The following LRFN3 variants were observed in gnomAD, a reference collection of about 807,000 sequenced individuals.
LRFN3 encodes leucine rich repeat and fibronectin type III domain containing 3.
LRFN3 carries 8 observed loss-of-function variants against 23.8 expected under a neutral mutation model. That is an observed-to-expected ratio of 0.34 (90% CI 0.20 to 0.61). LRFN3 has a LOEUF of 0.61. Ranked by LOEUF, LRFN3 falls within the 20% of genes least tolerant of loss-of-function variation. LRFN3 has a pLI of 0.80. For synonymous variants in LRFN3, 451 were observed against 450.6 expected (o/e 1.00, Z -0.01); for missense variants, 736 against 935.3 (o/e 0.79, Z 2.78).
rs1976152577 is a variant in LRFN3 at position 35,944,380 on chromosome 19, A to T, written c.1416-168A>T. Among the ~76,000 whole-genome samples, 1 of 152,114 alleles carries T rather than the reference A, an allele frequency of 6.6e-6. No individual in the cohort carries two copies. The highest frequency in any genetic ancestry group is 2.4e-5 in the African/African-American group (1 of 41,422). On this transcript the variant is annotated intron_variant, in intron 2 of 2. Coordinates refer to ENST00000246529, the MANE Select transcript of LRFN3 (RefSeq NM_024509.2). This position sits in a 1 kb window ranked among gnomAD's most constrained non-coding sequence, Gnocchi z 4.5. ...GGTATCAGTCAGGTGGCTGAATGGG[A>T]TGTCAGACCAAAGGGAATTGGGATG...
rs1322144561 is a variant in LRFN3 at position 35,944,094 on chromosome 19, GCCGGAGGATGGCTTGAGT to G, written c.1416-451_1416-434del. ...AGTTCCTGCTACTCAGGAGGCTGAG[GCCGGAGGATGGCTTGAGT>G]CCAGGAGTCAGAGGCTGCAGTGAGC... On this transcript the variant is annotated intron_variant, in intron 2 of 2. Coordinates refer to ENST00000246529, the MANE Select transcript of LRFN3 (RefSeq NM_024509.2). This position sits in a 1 kb window ranked among gnomAD's most constrained non-coding sequence, Gnocchi z 4.5. 6.6e-6 allele frequency among the ~76,000 whole-genome samples: 1 copy of G among 152,232 alleles called. No individual in the cohort carries two copies. Among genetic ancestry groups the G allele is most frequent in the African/African-American group, 2.4e-5 (1 of 41,454 alleles).
rs1422329228 is a variant in LRFN3, at chr19:35,940,721, G to A, written c.1296G>A (p.Gln432=). The change falls in exon 2 of 3, where the codon CAG becomes CAA. Residue 432 remains glutamine, a synonymous_variant. Coordinates refer to ENST00000246529, the MANE Select transcript of LRFN3 (RefSeq NM_024509.2). ...DTGPPTDRGV[Q]VTEHGATAAL... Reference sequence around the variant, plus strand: ...GGCCCCCTACCGACCGTGGCGTCCAGGTGACTGAGCACGGGGCCACAGCTG... The same window carrying A: ...GGCCCCCTACCGACCGTGGCGTCCAAGTGACTGAGCACGGGGCCACAGCTG... 6.2e-7 allele frequency: 1 copy of A among 1,613,554 alleles called. No individual in the cohort carries two copies. The highest frequency in any genetic ancestry group is 1.1e-5 in the South Asian group (1 of 91,064).
rs1327374043 is a variant in LRFN3 at position 35,946,495 on chromosome 19, C to T, written c.*1476C>T. Among the ~76,000 whole-genome samples, 2 of 151,594 alleles carry T rather than the reference C, an allele frequency of 1.3e-5. No homozygotes were observed. The highest frequency in any genetic ancestry group is 3.9e-4 in the East Asian group (2 of 5,170). On this transcript the variant is annotated 3_prime_UTR_variant, in exon 3 of 3. Coordinates refer to ENST00000246529, the MANE Select transcript of LRFN3 (RefSeq NM_024509.2). ...AGGGACTTTCCATATTTAAGGGTGA[C>T]GCAAAGAAAAACCTAACCAAGACTA...
In LRFN3 at chr19:35,940,845, A is replaced by G. The variant is rs368593379; in HGVS notation, c.1415+5A>G. 976 of 1,549,954 alleles carry G rather than the reference A, an allele frequency of 6.3e-4. 3 individuals carry two copies. The highest frequency in any genetic ancestry group is 8.2e-4 in the Non-Finnish European group (937 of 1,141,886). On this transcript the variant is annotated splice_donor_5th_base_variant and intron_variant, in intron 2 of 2. Coordinates refer to ENST00000246529, the MANE Select transcript of LRFN3 (RefSeq NM_024509.2). Reference sequence around the variant, plus strand: ...TGATGACATCCTCGTCTACAGGTGCAGGGTCCAGGCACTGGGGTAGCTTGG... The same window carrying G: ...TGATGACATCCTCGTCTACAGGTGCGGGGTCCAGGCACTGGGGTAGCTTGG...
chr19:35,943,456 TA>T (rs1350101102), intron 2 of LRFN3, among the ~76,000 whole-genome samples: 2 of 152,072 alleles, frequency 1.3e-5, no homozygotes, highest in East Asian at 1.9e-4. Context: ...GCAATAGGGC[TA>T]GGGGGACATT....
In LRFN3 at chr19:35,945,308, C is replaced by A. The variant is rs996366138; in HGVS notation, c.*289C>A. 6 of 335,116 alleles carry A rather than the reference C, an allele frequency of 1.8e-5. No homozygotes were observed. Among genetic ancestry groups the A allele is most frequent in the Non-Finnish European group, 3.2e-5 (6 of 186,104 alleles). The allele number at this position is 335,116 out of a possible 1,614,324, so 20.8% of individuals were successfully genotyped here. A position where few individuals can be genotyped will look rare whatever the true frequency, so the allele number is the denominator to read the frequency against. On this transcript the variant is annotated 3_prime_UTR_variant, in exon 3 of 3. Transcript: ENST00000246529. ...CTCCCCGCCCAGTTCAGTCTGAGGA[C>A]CCCGGAGGAGGCTGAGGATGGCGAT...
chr19:35,941,018 G>A (rs1976115107), intron 2 of LRFN3, among the ~76,000 whole-genome samples, 178 bp downstream of exon 2: 1 of 152,198 alleles, frequency 6.6e-6, no homozygotes, highest in Non-Finnish European at 1.5e-5. Flanking sequence ...CAAGACTCTG[G>A]CAGAAAGGGT....
Position 35,945,110 on chromosome 19 carries a change from C to G in LRFN3, c.*91C>G. The G allele has an allele frequency of 1.3e-6, 1 of 743,928 alleles. No homozygotes were observed. Among genetic ancestry groups the G allele is most frequent in the African/African-American group, 1.9e-5 (1 of 53,646 alleles). The allele number at this position is 743,928 out of a possible 1,614,324, so 46.1% of individuals were successfully genotyped here. A position where few individuals can be genotyped will look rare whatever the true frequency, so the allele number is the denominator to read the frequency against. On this transcript the variant is annotated 3_prime_UTR_variant, in exon 3 of 3. Coordinates refer to ENST00000246529, the MANE Select transcript of LRFN3 (RefSeq NM_024509.2). ...ACCTGGCCTCAAACTCACCAAATCG[C>G]TCATGGTTTTTAAAACTCTGATGGG...
rs189953791 is a variant in LRFN3, at chr19:35,944,938, G to A, written c.1806G>A (p.Glu602=). 18,249 of 1,502,092 alleles carry A rather than the reference G, an allele frequency of 0.012. 228 individuals are homozygous for A. The highest frequency in any genetic ancestry group is 0.071 in the East Asian group (2,844 of 40,086). The allele number at this position is 1,502,092 out of a possible 1,614,324, so 93.0% of individuals were successfully genotyped here. ...CCACGCCCGCCCCGCCCGCCCCGGA[G>A]CCCGCGGCGCTCAGGGCCCACACCG... The part of the protein sequence containing the change: ...PTPTPAPPAP[E]PAALRAHTVV... Residue 602 remains glutamate (E), a synonymous_variant, in exon 3 of 3, where the codon GAG becomes GAA. Transcript: ENST00000246529. This position sits in a 1 kb window ranked among gnomAD's most constrained non-coding sequence, Gnocchi z 4.5.
chr19:35,943,010 C>G lies in LRFN3; in HGVS notation c.1416-1538C>G, dbSNP rs1041966853. On this transcript the variant is annotated intron_variant, in intron 2 of 2. Transcript: ENST00000246529. ...TGCCACTGCACTCCAGCCTGGGTGA[C>G]AGAGTGAGACTCCGTCTCAAAAAAA... Among the ~76,000 whole-genome samples, 6 of 147,648 alleles carry G rather than the reference C, an allele frequency of 4.1e-5. No individual in the cohort carries two copies. In the South Asian group the frequency reaches 8.5e-4, roughly 21 times the overall value.
In LRFN3 at chr19:35,936,459, C is replaced by CT. The variant is rs1320805574; in HGVS notation, c.-1113_-1112insT. On this transcript the variant is annotated 5_prime_UTR_variant, in exon 1 of 3. Coordinates refer to ENST00000246529, the MANE Select transcript of LRFN3 (RefSeq NM_024509.2). ...CCGGCCCGCCCAGCCCGGCCCCCGC[C>CT]CGGCCCCCGCCTCGGCCCCGGCGGG... 1 of 150,620 alleles carries CT rather than the reference C, an allele frequency of 6.6e-6. No individual in the cohort carries two copies. The highest frequency in any genetic ancestry group is 1.5e-5 in the Non-Finnish European group (1 of 67,468). 9.3% of individuals were successfully genotyped at this position (150,620 alleles called of 1,614,324 possible).
At position 35,940,141 on chromosome 19, in the gene LRFN3, C is replaced by T. The variant is rs1336920592; in HGVS notation, c.716C>T (p.Ala239Val). 1 of 1,611,344 alleles carries T rather than the reference C, an allele frequency of 6.2e-7. No individual in the cohort carries two copies. Among genetic ancestry groups the T allele is most frequent in the East Asian group, 2.2e-5 (1 of 44,868 alleles). Residue 239 changes from alanine (A) to valine (V), a missense_variant, in exon 2 of 3, where the codon GCC becomes GTC. Around this residue, in one of 2 missense-constraint regions of LRFN3, gnomAD observed 446 missense variants for 647.9 expected, o/e 0.69. Coordinates refer to ENST00000246529, the MANE Select transcript of LRFN3 (RefSeq NM_024509.2). ...PLLARPRGSP[A>V]SALVLAFGGN... is the part of the protein sequence containing the mutation. The stretch of plus-strand genomic sequence containing the variant: ...CTCGCCAGGCCCCGGGGCTCGCCCG[C>T]CTCTGCCCTGGTGCTGGCCTTTGGC...
chr19:35,939,835 T>C lies in LRFN3; in HGVS notation c.410T>C (p.Ile137Thr). 2 of 1,602,234 alleles carry C rather than the reference T, an allele frequency of 1.2e-6. No homozygotes were observed. Among genetic ancestry groups the C allele is most frequent in the Non-Finnish European group, 1.7e-6 (2 of 1,179,772 alleles). ...GGCCTGGTCAACTTGCGCCACCTCA[T>C]CCTCAGCAACAACCAGCTGGCAGCG... ...LRGLVNLRHL[I>T]LSNNQLAALA... The change falls in exon 2 of 3, where the codon ATC becomes ACC. Residue 137 changes from isoleucine to threonine, a missense_variant. Ile to Thr is a moderately conservative substitution (Grantham distance 89). This residue lies in a region of LRFN3 where 446 missense variants were observed against 647.9 expected (regional missense o/e 0.69). Coordinates refer to ENST00000246529, the MANE Select transcript of LRFN3 (RefSeq NM_024509.2). The surrounding 1 kb of genome is among the most constrained non-coding windows in gnomAD (Gnocchi z 6.4).
chr19:35,943,649 G>A (rs1466708490), intron 2 of LRFN3, among the ~76,000 whole-genome samples: 1 of 151,930 alleles, frequency 6.6e-6, no homozygotes, highest in Non-Finnish European at 1.5e-5. Context: ...GAGACTGGGA[G>A]GTAAAATGTG....
chr19:35,940,014 G>A lies in LRFN3; in HGVS notation c.589G>A (p.Ala197Thr), dbSNP rs143716568. Residue 197 changes from alanine (A) to threonine (T), a missense_variant, in exon 2 of 3, where the codon GCC becomes ACC. Physicochemically the swap from Ala to Thr is moderately conservative, Grantham distance 58. Around this residue, in one of 2 missense-constraint regions of LRFN3, gnomAD observed 446 missense variants for 647.9 expected, o/e 0.69. Transcript: ENST00000246529. ...CCACAACCTGCTGGCTTCTGTGCCC[G>A]CCGGCGCTTTTTCCCGCCTGCACAA... The part of the protein sequence containing the change: ...LDHNLLASVP[A>T]GAFSRLHKLA... 1.8e-5 allele frequency: 29 copies of A among 1,612,062 alleles called. No individual in the cohort carries two copies. Among genetic ancestry groups the A allele is most frequent in the East Asian group, 1.1e-4 (5 of 44,864 alleles).
chr19:35,944,714 G>C lies in LRFN3; in HGVS notation c.1582G>C (p.Gly528Arg), dbSNP rs753020006. 1 of 1,604,298 alleles carries C rather than the reference G, an allele frequency of 6.2e-7. No individual in the cohort carries two copies. Among genetic ancestry groups the C allele is most frequent in the East Asian group, 2.2e-5 (1 of 44,498 alleles). ...CACCGAACCTGCGCTGCGGCCATGC[G>C]GGGCGCCGCACGCTCCCTTCCTGGG... ...FSTEPALRPC[G>R]APHAPFLGGT... The change falls in exon 3 of 3, where the codon GGG becomes CGG. Residue 528 changes from glycine to arginine, a missense_variant. Coordinates refer to ENST00000246529, the MANE Select transcript of LRFN3 (RefSeq NM_024509.2). The surrounding 1 kb of genome is among the most constrained non-coding windows in gnomAD (Gnocchi z 4.5).
Position 35,940,455 on chromosome 19 carries a change from C to G in LRFN3, c.1030C>G (p.Arg344Gly). Residue 344 changes from arginine to glycine, a missense_variant, in exon 2 of 3, where the codon CGC becomes GGC. Transcript: ENST00000246529. ...GRLLGNSSRA[R>G]AFPNGTLELL... ...GCTGCTAGGCAACTCAAGCCGTGCC[C>G]GCGCCTTCCCCAATGGGACGCTGGA... The G allele has an allele frequency of 6.2e-7, 1 of 1,607,090 alleles. No individual in the cohort carries two copies. Among genetic ancestry groups the G allele is most frequent in the Non-Finnish European group, 8.5e-7 (1 of 1,178,960 alleles).
intron 1 of LRFN3, among the ~76,000 whole-genome samples, chr19:35,938,392 A>C (rs1976080167): frequency 7.3e-6 from 1 of 137,862 alleles, no homozygotes; most frequent in African/African-American, 2.8e-5. Context: ...TCTCTTTCTC[A>C]CTCACTGATG....
Position 35,940,056 on chromosome 19 carries a change from A to G in LRFN3, c.631A>G (p.Met211Val), listed in dbSNP as rs762835262. The G allele has an allele frequency of 8.7e-6, 14 of 1,612,280 alleles. No homozygotes were observed. Among genetic ancestry groups the G allele is most frequent in the East Asian group, 6.7e-5 (3 of 44,842 alleles). ...CCTGCACAAGCTGGCCCGGCTGGAC[A>G]TGACCTCCAACCGCCTGACCACAAT... ...SRLHKLARLDMTSNRLTTIPP... is the reference protein window; with the variant it reads ...SRLHKLARLDVTSNRLTTIPP... Residue 211 changes from methionine to valine, a missense_variant, in exon 2 of 3, where the codon ATG (methionine) becomes GTG (valine). By Grantham distance (21) the Met-to-Val change is conservative. Around this residue, in one of 2 missense-constraint regions of LRFN3, gnomAD observed 446 missense variants for 647.9 expected, o/e 0.69. Transcript: ENST00000246529.
Sources: gnomAD v4.1 joint callset for allele counts (sites outside exome capture counted in the v4.1 genomes callset) on GRCh38, gnomAD v4.1.1 for gene constraint, gnomAD v4.1.1 regional missense constraint, Gnocchi (gnomAD v3.1) non-coding constraint, MANE v1.5 for transcripts, NCBI Gene and HGNC (gene_info 2026-07-23, HGNC 2026-07-21) for gene names.